Variants in ABR observed in about 807,000 individuals in gnomAD.
ABR encodes the protein ABR activator of RhoGEF and GTPase.
In ABR, 35 loss-of-function variants were observed where a neutral mutation model predicts 107.2. The ratio of observed to expected loss-of-function variants is 0.33; its 90% CI spans 0.25 to 0.43. The LOEUF (loss-of-function observed/expected upper bound fraction) is 0.43. Among genes scored for constraint, ABR ranks in the 20% least tolerant of loss-of-function variants. The probability of loss-of-function intolerance (pLI) is 1.00; values close to 1 mark genes in which losing one functional copy is unlikely to be tolerated. For missense variants in ABR, 815 were observed against 1,115.2 expected, an observed-to-expected ratio of 0.73 and a Z score of 3.83; for synonymous variants, 498 against 462.0, an observed-to-expected ratio of 1.08 and a Z score of -1.00.
intron 1 of ABR, among the ~76,000 whole-genome samples, chr17:1,127,534 C>A (rs1460873255): frequency 6.6e-6 from 1 of 152,186 alleles, no homozygotes; most frequent in Non-Finnish European, 1.5e-5. Context: ...GTGACACCCC[C>A]TCACTCTGGA....
rs569553238 is a variant in ABR at position 1,070,542 on chromosome 17, C to T, written c.895-452G>A. 6.6e-6 allele frequency among the ~76,000 whole-genome samples: 1 copy of T among 152,256 alleles called. No individual in the cohort carries two copies. The highest frequency in any genetic ancestry group is 2.1e-4 in the South Asian group (1 of 4,824). Reference sequence around the variant, plus strand: ...TTGCAATCCCTCCCGACCGCGGCGGCGAACTTCATCTAGCCCCGGCTCAAC... The same window carrying T: ...TTGCAATCCCTCCCGACCGCGGCGGTGAACTTCATCTAGCCCCGGCTCAAC... On this transcript the variant is annotated intron_variant, in intron 8 of 22. Coordinates refer to ENST00000302538, the MANE Select transcript of ABR (RefSeq NM_021962.5). The surrounding 1 kb of genome is among the most constrained non-coding windows in gnomAD (Gnocchi z 4.2).
chr17:1,006,622 T>G (rs553936506), intron 22 of ABR, among the ~76,000 whole-genome samples: 1 of 152,208 alleles, frequency 6.6e-6, no homozygotes, highest in Non-Finnish European at 1.5e-5. Flanking sequence ...GGGGCAGAAG[T>G]GTCTACAGTC....
chr17:1,116,615 C>G (rs1215193575), intron 2 of ABR, among the ~76,000 whole-genome samples: 14 of 152,154 alleles, frequency 9.2e-5, no homozygotes, highest in Admixed American at 5.9e-4. Flanking sequence ...AGGACGGGAG[C>G]CAGCGATGAC....
At chr17:1,197,747 C>T (rs1241467009) in intron 1 of ABR, among the ~76,000 whole-genome samples, 1 of 151,496 alleles carries the variant, frequency 6.6e-6, no homozygotes, top group African/African-American at 2.4e-5. Context: ...CCTGATTGCT[C>T]CCTATAGCCA....
At chr17:1,091,438 T>G (rs2037023601) in intron 4 of ABR, among the ~76,000 whole-genome samples, 1 of 152,028 alleles carries the variant, frequency 6.6e-6, no homozygotes, top group African/African-American at 2.4e-5. Context: ...ACAGCCTGTC[T>G]CCACCACCCC....
At chr17:1,207,008 C>G (rs368323844) in intron 1 of ABR, among the ~76,000 whole-genome samples, 1 of 151,976 alleles carries the variant, frequency 6.6e-6, no homozygotes, top group Admixed American at 6.6e-5. Context: ...TGCTTGAACC[C>G]GGGAGGTGGA....
intron 10 of ABR, among the ~76,000 whole-genome samples, chr17:1,066,590 A>G (rs2034767422): frequency 6.6e-6 from 1 of 150,890 alleles, no homozygotes; most frequent in Admixed American, 6.6e-5. Flanking sequence ...GTGCATTGGC[A>G]TGTTCTTGGC....
intron 21 of ABR, among the ~76,000 whole-genome samples, chr17:1,009,074 A>G (rs922826030): frequency 6.6e-6 from 1 of 152,166 alleles, no homozygotes; most frequent in Non-Finnish European, 1.5e-5. Context: ...GTGGCCCACA[A>G]TACAACCCAT....
chr17:1,146,260 G>GAGACAC (rs1296117782), intron 1 of ABR, among the ~76,000 whole-genome samples: 2 of 140,108 alleles, frequency 1.4e-5, no homozygotes, highest in African/African-American at 2.7e-5. Flanking sequence ...GGCACATGGA[G>GAGACAC]ACACACACAC....
chr17:1,216,373 G>A (rs1002893750), intron 1 of ABR, among the ~76,000 whole-genome samples: 1 of 152,188 alleles, frequency 6.6e-6, no homozygotes, highest in Non-Finnish European at 1.5e-5. Context: ...GAGTAGCAGA[G>A]GCAGCCGCAA....
At chr17:1,178,823 C>T (rs1161827404) in intron 1 of ABR, among the ~76,000 whole-genome samples, 2 of 131,592 alleles carry the variant, frequency 1.5e-5, no homozygotes, top group East Asian at 2.3e-4. Flanking sequence ...GGGGCGGTGC[C>T]TTTCTAGCAA....
chr17:1,055,816 C>T lies in ABR; in HGVS notation c.1561+219G>A, dbSNP rs558605860. On this transcript the variant is annotated intron_variant, in intron 14 of 22. Coordinates refer to ENST00000302538, the MANE Select transcript of ABR (RefSeq NM_021962.5). ...TGCTGGGATTACAGGGGTGAGCCAC[C>T]GCGCCCGGCCCCTAGGTTTCAGACA... is the stretch of plus-strand genomic sequence containing the variant. 6.6e-4 allele frequency: 348 copies of T among 526,678 alleles called. 1 individual carries two copies. Among genetic ancestry groups the T allele is most frequent in the African/African-American group, 5.0e-3 (265 of 53,036 alleles). 32.6% of individuals were successfully genotyped at this position (526,678 alleles called of 1,614,324 possible). A position where few individuals can be genotyped will look rare whatever the true frequency, so the allele number is the denominator to read the frequency against.
intron 1 of ABR, among the ~76,000 whole-genome samples, chr17:1,158,421 A>C (rs1432478409): frequency 6.6e-6 from 1 of 151,544 alleles, no homozygotes; most frequent in African/African-American, 2.4e-5. Context: ...AGTAAACCAA[A>C]CCCAGACATT....
intron 1 of ABR, among the ~76,000 whole-genome samples, chr17:1,129,812 T>G (rs1194752509): frequency 6.6e-6 from 1 of 152,094 alleles, no homozygotes; most frequent in Non-Finnish European, 1.5e-5. Flanking sequence ...CTGGGTGCGA[T>G]GGCGGGTGCC....
In ABR at chr17:1,179,767, C is replaced by A; in HGVS notation, c.-40G>T. ...TCGGTCAGATCCGAAACCCGACCCTCATCGCGCAACAAAGGAGGGAGAGCG... is the reference window on the plus strand; with the variant it reads ...TCGGTCAGATCCGAAACCCGACCCTAATCGCGCAACAAAGGAGGGAGAGCG... On this transcript the variant is annotated 5_prime_UTR_variant, in exon 1 of 23. An upstream start codon of the reference 5' UTR is lost. Coordinates refer to ENST00000302538, the MANE Select transcript of ABR (RefSeq NM_021962.5). This position sits in a 1 kb window ranked among gnomAD's most constrained non-coding sequence, Gnocchi z 4.9. 7.4e-7 allele frequency: 1 copy of A among 1,356,814 alleles called. No individual in the cohort carries two copies. The highest frequency in any genetic ancestry group is 9.8e-7 in the Non-Finnish European group (1 of 1,019,922). The allele number at this position is 1,356,814 out of a possible 1,614,324, so 84.0% of individuals were successfully genotyped here. A position where few individuals can be genotyped will look rare whatever the true frequency, so the allele number is the denominator to read the frequency against.
Position 1,069,959 on chromosome 17 carries a change from A to C in ABR, c.1016+10T>G. On this transcript the variant is annotated intron_variant, in intron 9 of 22. Transcript: ENST00000302538. ...TCCCCCGCCCCGTGCCCCTGGACTCACACACTCACCCTGCAGAGGTCTTCT... is the reference window on the plus strand; with the variant it reads ...TCCCCCGCCCCGTGCCCCTGGACTCCCACACTCACCCTGCAGAGGTCTTCT... 1.9e-6 allele frequency: 3 copies of C among 1,545,468 alleles called. No individual in the cohort carries two copies. Among genetic ancestry groups the C allele is most frequent in the Non-Finnish European group, 1.8e-6 (2 of 1,141,798 alleles).
chr17:1,074,734 C>T (rs573845747), intron 6 of ABR, among the ~76,000 whole-genome samples: 31 of 152,340 alleles, frequency 2.0e-4, no homozygotes, highest in African/African-American at 7.5e-4. Context: ...CACAGAAAGG[C>T]TCTGCTCCCC....
rs1012098074 is a variant in ABR, at chr17:1,070,289, G to A, written c.895-199C>T. Among the ~76,000 whole-genome samples the A allele has an allele frequency of 5.9e-5, 9 of 152,138 alleles. No individual in the cohort carries two copies. Among genetic ancestry groups the A allele is most frequent in the South Asian group, 4.1e-4 (2 of 4,832 alleles). The stretch of plus-strand genomic sequence containing the variant: ...TTGAATGCCAACAGGCTTCTCAGCT[G>A]TGATCTCAGACAGGCTCCCTGACCT... On this transcript the variant is annotated intron_variant, in intron 8 of 22. Transcript: ENST00000302538. This position sits in a 1 kb window ranked among gnomAD's most constrained non-coding sequence, Gnocchi z 4.2.
chr17:1,113,938 C>T (rs1300488483), intron 2 of ABR, among the ~76,000 whole-genome samples: 1 of 152,070 alleles, frequency 6.6e-6, no homozygotes, highest in African/African-American at 2.4e-5. Flanking sequence ...GAGGCCGAGG[C>T]AGGAGGATCA....
Sources: allele counts gnomAD v4.1 joint callset (sites outside exome capture counted in the v4.1 genomes callset), GRCh38; gene constraint gnomAD v4.1.1; non-coding constraint Gnocchi (gnomAD v3.1); transcripts MANE v1.5; gene names NCBI Gene and HGNC (gene_info 2026-07-23, HGNC 2026-07-21).